The following DUSP14 variants were observed in gnomAD, a reference collection of about 807,000 sequenced individuals.
The protein encoded by DUSP14 is dual specificity phosphatase 14.
DUSP14 carries 5 observed loss-of-function variants against 13.2 expected under a neutral mutation model. The observed-to-expected ratio is 0.38, with a 90% confidence interval of 0.20 to 0.80. The LOEUF is 0.80. DUSP14 is among the 30% of genes least tolerant of loss of function. The pLI is 0.44. For missense variants in DUSP14, 185 were observed against 264.0 expected (o/e 0.70, Z 2.07); for synonymous variants, 91 against 103.4 (o/e 0.88, Z 0.73).
At chr17:37,504,277 G>A (rs2054123430) in intron 1 of DUSP14, among the ~76,000 whole-genome samples, 1 of 152,180 alleles carries the variant, frequency 6.6e-6, no homozygotes, top group South Asian at 2.1e-4. Context: ...TGCGGACATC[G>A]AGATGGCTGG....
At chr17:37,499,560 G>A (rs759343719) in intron 1 of DUSP14, among the ~76,000 whole-genome samples, 46 of 151,706 alleles carry the variant, frequency 3.0e-4, no homozygotes, top group African/African-American at 6.3e-4. Flanking sequence ...ACAGAGTTTC[G>A]CTCTTTCACG....
At chr17:37,496,718 A>G (rs117494398) in intron 1 of DUSP14, among the ~76,000 whole-genome samples, 15,578 of 152,072 alleles carry the variant, frequency 0.1, 942 homozygotes, top group East Asian at 0.25. Flanking sequence ...ATACCACTGC[A>G]ATCCAGCTTG....
intron 1 of DUSP14, among the ~76,000 whole-genome samples, chr17:37,506,344 T>A (rs2054138322): frequency 6.9e-6 from 1 of 145,300 alleles, no homozygotes; most frequent in Non-Finnish European, 1.5e-5. Flanking sequence ...CAGCTCTTCC[T>A]TTCTGTCTTT....
chr17:37,504,977 C>T (rs1272034040), intron 1 of DUSP14, among the ~76,000 whole-genome samples: 2 of 152,160 alleles, frequency 1.3e-5, no homozygotes, highest in East Asian at 1.9e-4. Flanking sequence ...CTGCAGCCTC[C>T]GCCTCCCGGG....
chr17:37,498,496 T>C (rs1568200648), intron 1 of DUSP14, among the ~76,000 whole-genome samples: 2 of 151,774 alleles, frequency 1.3e-5, no homozygotes, highest in Non-Finnish European at 2.9e-5. Context: ...CTGGCTAATT[T>C]TTTGTATTTT....
intron 1 of DUSP14, among the ~76,000 whole-genome samples, chr17:37,508,873 G>C (rs1224039792): frequency 6.8e-6 from 1 of 147,632 alleles, no homozygotes; most frequent in African/African-American, 2.5e-5. Context: ...AACTGAGAGA[G>C]GAAGGCATAT....
chr17:37,489,673 G>C (rs556354598), upstream of DUSP14, among the ~76,000 whole-genome samples: 25 of 151,824 alleles, frequency 1.6e-4, no homozygotes, highest in Admixed American at 9.8e-4. Flanking sequence ...AGCGCTCTAG[G>C]GGAGGCTGCT....
chr17:37,502,347 ATTTTTTTT>A (rs916192784), intron 1 of DUSP14, among the ~76,000 whole-genome samples: 1 of 139,960 alleles, frequency 7.1e-6, no homozygotes, highest in African/African-American at 2.6e-5. Context: ...ATGCCCAGCA[ATTTTTTTT>A]TTTTTTTTTG....
chr17:37,509,287 A>G lies in DUSP14; in HGVS notation c.-180-1390A>G, dbSNP rs1451036705. 3.6e-3 allele frequency among the ~76,000 whole-genome samples: 97 copies of G among 26,982 alleles called. 1 individual carries two copies. Among genetic ancestry groups the G allele is most frequent in the African/African-American group, 8.1e-3 (50 of 6,172 alleles). 17.7% of individuals were successfully genotyped at this position (26,982 alleles called of 152,430 possible). On this transcript the variant is annotated intron_variant, in intron 1 of 2. Coordinates refer to ENST00000617516, the MANE Select transcript of DUSP14 (RefSeq NM_007026.4). ...TATATATATATATATATATATATAT[A>G]TATATATATAGTGTGTGTGTGTGTG...
intron 1 of DUSP14, among the ~76,000 whole-genome samples, chr17:37,502,506 C>T (rs1233952945): frequency 6.6e-6 from 1 of 152,218 alleles, no homozygotes; most frequent in East Asian, 1.9e-4. Flanking sequence ...TTGTATTGTA[C>T]TCACAGATTC....
chr17:37,501,171 C>T (rs888868429), intron 1 of DUSP14, among the ~76,000 whole-genome samples: 2 of 152,218 alleles, frequency 1.3e-5, no homozygotes, highest in African/African-American at 2.4e-5. Flanking sequence ...AGAGGCTGAG[C>T]AGTGCTTACG....
chr17:37,507,074 C>G (rs753775729), intron 1 of DUSP14, among the ~76,000 whole-genome samples: 1 of 152,198 alleles, frequency 6.6e-6, no homozygotes, highest in Non-Finnish European at 1.5e-5. Flanking sequence ...TCCATCTTTT[C>G]CTAGTTTCAC....
intron 1 of DUSP14, among the ~76,000 whole-genome samples, chr17:37,490,179 C>G (rs917418133): frequency 6.6e-6 from 1 of 150,648 alleles, no homozygotes; most frequent in Non-Finnish European, 1.5e-5. Flanking sequence ...TTCCGCAGCG[C>G]ACCCTCGCCG....
chr17:37,490,308 C>T (rs1021157595), intron 1 of DUSP14, among the ~76,000 whole-genome samples: 1 of 152,160 alleles, frequency 6.6e-6, no homozygotes, highest in Non-Finnish European at 1.5e-5. Context: ...CTTCCGACCC[C>T]GCTGAGGCCG....
rs1327275080 is a variant in DUSP14, at chr17:37,513,282, C to T, written c.*413C>T. ...CCCCAGGCTGCGGACCAGACAGATG[C>T]TTAGGGAAGGTTGATAACCAGCTTC... On this transcript the variant is annotated 3_prime_UTR_variant, in exon 3 of 3. Transcript: ENST00000617516. The T allele has an allele frequency of 7.8e-6, 1 of 128,890 alleles. No homozygotes were observed. The highest frequency in any genetic ancestry group is 1.1e-4 in the Admixed American group (1 of 8,724). The allele number at this position is 128,890 out of a possible 1,614,324, so 8.0% of individuals were successfully genotyped here. A position where few individuals can be genotyped will look rare whatever the true frequency, so the allele number is the denominator to read the frequency against.
intron 2 of DUSP14, among the ~76,000 whole-genome samples, chr17:37,511,938 C>CCTTTTTTT (rs1568206074): frequency 5.2e-5 from 2 of 38,246 alleles, no homozygotes; most frequent in African/African-American, 2.0e-4. Flanking sequence ...CCCCACCCCA[C>CCTTTTTTT]TTTTTTTTTT....
intron 1 of DUSP14, chr17:37,510,332 G>A (rs1050556962): frequency 6.6e-6 from 1 of 152,274 alleles, no homozygotes; most frequent in African/African-American, 2.4e-5. Flanking sequence ...AGAGACTCGA[G>A]TCCGTGTTGT....
chr17:37,494,947 T>C (rs2054053832), intron 1 of DUSP14, among the ~76,000 whole-genome samples: 1 of 152,190 alleles, frequency 6.6e-6, no homozygotes, highest in Admixed American at 6.5e-5. Flanking sequence ...TTTTTGCTCA[T>C]TATAGTAAAG....
intron 1 of DUSP14, among the ~76,000 whole-genome samples, chr17:37,503,750 G>C (rs1457910732): frequency 6.6e-6 from 1 of 152,134 alleles, no homozygotes; most frequent in Non-Finnish European, 1.5e-5. Flanking sequence ...TTTCCAACAT[G>C]GAGAATCTGT....
Sources: allele counts gnomAD v4.1 joint callset (sites outside exome capture counted in the v4.1 genomes callset), GRCh38; gene constraint gnomAD v4.1.1; transcripts MANE v1.5; gene names NCBI Gene and HGNC (gene_info 2026-07-23, HGNC 2026-07-21).